NPAS3: variants seen among roughly 807,000 people sequenced by gnomAD.
The protein encoded by NPAS3 is neuronal PAS domain protein 3.
NPAS3 carries 14 observed loss-of-function variants against 73.1 expected under a neutral mutation model. The observed-to-expected ratio is 0.19, with a 90% CI of 0.13 to 0.30. The LOEUF (loss-of-function observed/expected upper bound fraction) is 0.30. Ranked by LOEUF, NPAS3 falls within the 10% of genes least tolerant of loss-of-function variation. The pLI, the probability that NPAS3 is intolerant of heterozygous loss-of-function variation, is 1.00. For missense variants in NPAS3, 1,096 were observed against 1,250.0 expected (o/e 0.88, Z 1.86); for synonymous variants, 620 against 541.5 (o/e 1.14, Z -2.01).
chr14:33,489,437 T>C (rs1471314415), intron 4 of NPAS3, among the ~76,000 whole-genome samples: 1 of 152,142 alleles, frequency 6.6e-6, no homozygotes, highest in African/African-American at 2.4e-5. Flanking sequence ...ATGTTGTATA[T>C]TTGATATTTT....
chr14:32,973,157 A>G (rs1275031874), intron 1 of NPAS3, among the ~76,000 whole-genome samples: 2 of 152,208 alleles, frequency 1.3e-5, no homozygotes, highest in Non-Finnish European at 2.9e-5. Flanking sequence ...TCAGCTTAGT[A>G]TCTAAGAAAG....
intron 5 of NPAS3, among the ~76,000 whole-genome samples, chr14:33,668,284 G>GC (rs1327377238): frequency 6.6e-6 from 1 of 152,148 alleles, no homozygotes; most frequent in Non-Finnish European, 1.5e-5. Flanking sequence ...CCATACAGTA[G>GC]CCCCTTTGAA....
Position 33,492,902 on chromosome 14 carries a change from G to A in NPAS3, c.469-67219G>A, listed in dbSNP as rs557677165. Among the ~76,000 whole-genome samples, 3 of 152,218 alleles carry A rather than the reference G, an allele frequency of 2.0e-5. No individual in the cohort carries two copies. The East Asian group carries it at 5.8e-4, about 29-fold the overall frequency. ...TTGACCTTTTTGAGGAGAATGTCAA[G>A]GCATCCCTTGATCTTAACCTGTCAC... is the stretch of plus-strand genomic sequence containing the variant. On this transcript the variant is annotated intron_variant, in intron 4 of 11. Transcript: ENST00000356141.
intron 3 of NPAS3, among the ~76,000 whole-genome samples, chr14:33,238,051 C>T (rs991234663): frequency 6.6e-6 from 1 of 151,780 alleles, no homozygotes; most frequent in Non-Finnish European, 1.5e-5. Context: ...TTGATTGGCT[C>T]AGAAAAAATG....
At chr14:33,462,174 TC>T (rs2050300402) in intron 4 of NPAS3, among the ~76,000 whole-genome samples, 2 of 152,340 alleles carry the variant, frequency 1.3e-5, no homozygotes, top group Admixed American at 1.3e-4. Context: ...ACCTGGGCTC[TC>T]ATTCCTCGCC....
chr14:33,609,040 G>A (rs1366170736), intron 5 of NPAS3, among the ~76,000 whole-genome samples: 1 of 152,000 alleles, frequency 6.6e-6, no homozygotes, highest in South Asian at 2.1e-4. Context: ...TTTAAATGTT[G>A]TTCATCTTTG....
intron 3 of NPAS3, among the ~76,000 whole-genome samples, chr14:33,299,579 A>C (rs1278989853): frequency 2.5e-5 from 3 of 122,312 alleles, no homozygotes; most frequent in Non-Finnish European, 5.0e-5. Context: ...CCTATCTGAA[A>C]TCCTAGAAGC....
intron 1 of NPAS3, among the ~76,000 whole-genome samples, chr14:32,974,990 A>T (rs1411212974): frequency 1.3e-5 from 2 of 152,196 alleles, no homozygotes; most frequent in African/African-American, 4.8e-5. Flanking sequence ...AGTCTGTCAG[A>T]ATTTAGTGGG....
At chr14:33,616,992 A>G (rs2057939738) in intron 5 of NPAS3, among the ~76,000 whole-genome samples, 1 of 152,176 alleles carries the variant, frequency 6.6e-6, no homozygotes, top group South Asian at 2.1e-4. Flanking sequence ...TTTTCATGGC[A>G]TTAATCAAAT....
intron 1 of NPAS3, among the ~76,000 whole-genome samples, chr14:32,993,291 G>C (rs2038412914): frequency 6.6e-6 from 1 of 152,154 alleles, no homozygotes; most frequent in Admixed American, 6.5e-5. Context: ...ATGTAGGTTT[G>C]GGACTGACCA....
intron 5 of NPAS3, among the ~76,000 whole-genome samples, chr14:33,661,637 T>A (rs1348784996): frequency 1.3e-5 from 2 of 152,230 alleles, no homozygotes; most frequent in South Asian, 4.1e-4. Context: ...TATTGAAAAG[T>A]CAGCTCATTT....
chr14:33,720,786 A>G (rs1275175755), intron 6 of NPAS3, among the ~76,000 whole-genome samples: 3 of 152,142 alleles, frequency 2.0e-5, no homozygotes, highest in Non-Finnish European at 2.9e-5. Context: ...ATAGTTCATA[A>G]TAAATCTTTG....
chr14:33,432,180 T>C (rs1019440415), intron 4 of NPAS3, among the ~76,000 whole-genome samples: 29 of 152,302 alleles, frequency 1.9e-4, no homozygotes, highest in African/African-American at 6.5e-4. Flanking sequence ...TCTTTCATTG[T>C]CAACTGTAGT....
intron 5 of NPAS3, among the ~76,000 whole-genome samples, chr14:33,592,266 T>G (rs1176838421): frequency 1.3e-5 from 2 of 152,162 alleles, no homozygotes; most frequent in Admixed American, 1.3e-4. Context: ...CTTTATCACA[T>G]GGAAAATCAT....
intron 6 of NPAS3, among the ~76,000 whole-genome samples, chr14:33,729,210 G>C (rs1595513849): frequency 6.6e-6 from 1 of 151,590 alleles, no homozygotes; most frequent in Non-Finnish European, 1.5e-5. Flanking sequence ...TGAAAATATA[G>C]ACCCTACTTA....
chr14:33,782,823 T>TAAAAAAAAAAAAAAAA (rs199704146), intron 9 of NPAS3, among the ~76,000 whole-genome samples: 6 of 148,594 alleles, frequency 4.0e-5, no homozygotes, highest in Admixed American at 6.7e-5. Context: ...TGTTTTTTTT[T>TAAAAAAAAAAAAAAAA]AAAAAAAAGA....
At chr14:33,201,469 T>C (rs1482211415) in intron 2 of NPAS3, among the ~76,000 whole-genome samples, 3 of 152,248 alleles carry the variant, frequency 2.0e-5, no homozygotes, top group Non-Finnish European at 4.4e-5. Context: ...CTTAGTGATC[T>C]TTTGTTGCCT....
upstream of NPAS3, chr14:32,939,139 GCCA>G (rs1566780485): frequency 8.1e-6 from 1 of 122,700 alleles, no homozygotes; most frequent in Non-Finnish European, 1.6e-5. Context: ...CGCCGCCGCC[GCCA>G]CGGCCACGGC....
At chr14:32,951,963 CTT>C (rs780799793) in intron 1 of NPAS3, among the ~76,000 whole-genome samples, 1 of 151,888 alleles carries the variant, frequency 6.6e-6, no homozygotes. Flanking sequence ...AAATTAATGA[CTT>C]TTAAAATAGA....
Sources: allele counts gnomAD v4.1 joint callset (sites outside exome capture counted in the v4.1 genomes callset), GRCh38; gene constraint gnomAD v4.1.1; transcripts MANE v1.5; gene names NCBI Gene and HGNC (gene_info 2026-07-23, HGNC 2026-07-21).